RAB33B: variants seen among roughly 807,000 people sequenced by gnomAD.
The protein encoded by RAB33B is ras-related protein Rab-33B.
Under a neutral mutation model 15.0 loss-of-function variants are expected in RAB33B, and 6 were observed. The ratio of observed to expected loss-of-function variants is 0.40; its 90% CI spans 0.22 to 0.79. RAB33B has a LOEUF of 0.79. Ranked by LOEUF, RAB33B falls within the 30% of genes least tolerant of loss-of-function variation. The pLI, the probability that RAB33B is intolerant of heterozygous loss-of-function variation, is 0.37. For synonymous variants in RAB33B, 117 were observed against 108.3 expected, an observed-to-expected ratio of 1.08 and a Z score of -0.50; for missense variants, 257 against 296.4, an observed-to-expected ratio of 0.87 and a Z score of 0.98.
upstream of RAB33B, chr4:139,448,557 C>T (rs950423768): frequency 6.6e-6 from 1 of 152,112 alleles, no homozygotes; most frequent in African/African-American, 2.4e-5. Context: ...GCCTCAGCCT[C>T]CCGAGTAGCT....
At position 139,473,893 on chromosome 4, in the gene RAB33B, T is replaced by G. The variant is rs1389647995; in HGVS notation, c.*767T>G. 1 of 148,626 alleles carries G rather than the reference T, an allele frequency of 6.7e-6. No homozygotes were observed. Among genetic ancestry groups the G allele is most frequent in the African/African-American group, 2.5e-5 (1 of 39,804 alleles). 9.2% of individuals were successfully genotyped at this position (148,626 alleles called of 1,614,324 possible). A position where few individuals can be genotyped will look rare whatever the true frequency, so the allele number is the denominator to read the frequency against. On this transcript the variant is annotated 3_prime_UTR_variant, in exon 2 of 2. Coordinates refer to ENST00000305626, the MANE Select transcript of RAB33B (RefSeq NM_031296.3). Reference sequence around the variant, plus strand: ...TTATTTTAAAAGAGTTATTTGAGTTTCTTTCTTTCTTTTTTTTTTTTTTTT... The same window carrying G: ...TTATTTTAAAAGAGTTATTTGAGTTGCTTTCTTTCTTTTTTTTTTTTTTTT...
chr4:139,475,837 CTAAGTAATTTTGTTGTGGAA>C lies in RAB33B; in HGVS notation c.*2714_*2733del, dbSNP rs943217638. The C allele has an allele frequency of 2.0e-5, 3 of 152,142 alleles. No homozygotes were observed. Among genetic ancestry groups the C allele is most frequent in the African/African-American group, 7.2e-5 (3 of 41,426 alleles). The allele number at this position is 152,142 out of a possible 1,614,324, so 9.4% of individuals were successfully genotyped here. A position where few individuals can be genotyped will look rare whatever the true frequency, so the allele number is the denominator to read the frequency against. On this transcript the variant is annotated 3_prime_UTR_variant, in exon 2 of 2. Coordinates refer to ENST00000305626, the MANE Select transcript of RAB33B (RefSeq NM_031296.3). ...GCAAATACATGTTTCCTCATGAAATCTAAGTAATTTTGTTGTGGAATAGTGTCACTGTTACATTTCCCCCA... is the reference window on the plus strand; with the variant it reads ...GCAAATACATGTTTCCTCATGAAATCTAGTGTCACTGTTACATTTCCCCCA...
the RAB33B span, among the ~76,000 whole-genome samples, chr4:139,439,991 T>G: frequency 3.3e-5 from 5 of 152,238 alleles, no homozygotes; most frequent in African/African-American, 1.2e-4. Context: ...TGGGTTACAC[T>G]TTCCTGTTTC....
At position 139,476,581 on chromosome 4, in the gene RAB33B, T is replaced by C. The variant is rs1750506705; in HGVS notation, c.*3455T>C. On this transcript the variant is annotated 3_prime_UTR_variant, in exon 2 of 2. Transcript: ENST00000305626. ...ACATTTATCAAGTATGGGTCATGTG[T>C]TCTCTATTTGTGTTAGTGGAGCTAC... 6.6e-6 allele frequency: 1 copy of C among 152,248 alleles called. No individual in the cohort carries two copies. The highest frequency in any genetic ancestry group is 1.5e-5 in the Non-Finnish European group (1 of 68,052). The allele number at this position is 152,248 out of a possible 1,614,324, so 9.4% of individuals were successfully genotyped here.
chr4:139,453,507 C>G (rs924860241), upstream of RAB33B: 1 of 152,334 alleles, frequency 6.6e-6, no homozygotes, highest in Non-Finnish European at 1.5e-5. Context: ...CGCGTCCCAC[C>G]CATCTAGCCC....
intron 1 of RAB33B, 152 bp from the exon 2 acceptor site, chr4:139,472,534 C>A: frequency 1.8e-6 from 1 of 551,022 alleles, no homozygotes; most frequent in Non-Finnish European, 3.1e-6. Context: ...AAGTCTGGAT[C>A]CCATAGGTAA....
chr4:139,459,788 C>A (rs985884321), intron 1 of RAB33B, among the ~76,000 whole-genome samples: 2 of 152,114 alleles, frequency 1.3e-5, no homozygotes, highest in African/African-American at 2.4e-5. Flanking sequence ...CGCCTGCCAC[C>A]CCACCCCGCT....
In RAB33B at chr4:139,474,706, C is replaced by G. The variant is rs1346663396; in HGVS notation, c.*1580C>G. The G allele has an allele frequency of 6.6e-6, 1 of 152,518 alleles. No homozygotes were observed. Among genetic ancestry groups the G allele is most frequent in the African/African-American group, 2.4e-5 (1 of 41,424 alleles). 9.4% of individuals were successfully genotyped at this position (152,518 alleles called of 1,614,324 possible). On this transcript the variant is annotated 3_prime_UTR_variant, in exon 2 of 2. Transcript: ENST00000305626. ...AAGAATATTTCAAGAAGTTTTTTAA[C>G]CTAAATACTTTTATTTTGAATTTAA...
chr4:139,455,715 C>T (rs113311070), intron 1 of RAB33B, among the ~76,000 whole-genome samples: 1 of 152,100 alleles, frequency 6.6e-6, no homozygotes, highest in Non-Finnish European at 1.5e-5. Context: ...AAAGGCTAAA[C>T]ATTTTTCACC....
At chr4:139,467,373 CTT>C (rs760811130) in intron 1 of RAB33B, among the ~76,000 whole-genome samples, 19 of 36,432 alleles carry the variant, frequency 5.2e-4, no homozygotes, top group African/African-American at 1.8e-3. Context: ...TCAGACTGGT[CTT>C]TTTTTTTTTT....
chr4:139,444,524 C>T, the RAB33B span, among the ~76,000 whole-genome samples: 3 of 152,120 alleles, frequency 2.0e-5, no homozygotes, highest in African/African-American at 7.2e-5. Flanking sequence ...CCAAGAAGAT[C>T]TCTAGCCTTT....
intron 1 of RAB33B, among the ~76,000 whole-genome samples, chr4:139,465,725 T>TA (rs1160719658): frequency 6.9e-6 from 1 of 145,660 alleles, no homozygotes; most frequent in Non-Finnish European, 1.5e-5. Flanking sequence ...TCTTCTTCTT[T>TA]TTTTTTTTTT....
intron 1 of RAB33B, among the ~76,000 whole-genome samples, chr4:139,455,712 A>G (rs185753518): frequency 1.5e-4 from 23 of 152,346 alleles, no homozygotes; most frequent in South Asian, 2.1e-4. Context: ...ATAAAAGGCT[A>G]AACATTTTTC....
chr4:139,446,265 G>T, the RAB33B span, among the ~76,000 whole-genome samples: 1 of 152,160 alleles, frequency 6.6e-6, no homozygotes, highest in East Asian at 1.9e-4. Context: ...AAAGACTAGG[G>T]CCCGGTTCAC....
At chr4:139,447,658 CTTTTT>C in the RAB33B span, among the ~76,000 whole-genome samples, 7 of 85,698 alleles carry the variant, frequency 8.2e-5, no homozygotes, top group Non-Finnish European at 1.4e-4. Context: ...CAGTCTACTA[CTTTTT>C]TTTTTTTTTT....
intron 1 of RAB33B, among the ~76,000 whole-genome samples, chr4:139,455,430 T>C (rs1484554950): frequency 6.6e-6 from 1 of 152,196 alleles, no homozygotes; most frequent in Non-Finnish European, 1.5e-5. Flanking sequence ...ACAGGCTTGC[T>C]TTAGACGTTC....
chr4:139,468,028 C>T (rs995021544), intron 1 of RAB33B, among the ~76,000 whole-genome samples: 69 of 151,352 alleles, frequency 4.6e-4, no homozygotes, highest in Non-Finnish European at 3.5e-4. Flanking sequence ...CTACCCTTCC[C>T]GAGCCTCTGG....
the RAB33B span, among the ~76,000 whole-genome samples, chr4:139,438,461 T>TCTTCATGATATAA: frequency 6.6e-6 from 1 of 152,098 alleles, no homozygotes; most frequent in Non-Finnish European, 1.5e-5. Context: ...TTCCATTCCC[T>TCTTCATGATATAA]CTTCATGATA....
intron 1 of RAB33B, among the ~76,000 whole-genome samples, chr4:139,466,937 T>G (rs914849596): frequency 6.6e-6 from 1 of 151,064 alleles, no homozygotes; most frequent in African/African-American, 2.4e-5. Context: ...CTCTTCACTT[T>G]GATAGTGTCC....
Sources: allele counts gnomAD v4.1 joint callset (sites outside exome capture counted in the v4.1 genomes callset), GRCh38; gene constraint gnomAD v4.1.1; transcripts MANE v1.5; gene names NCBI Gene and HGNC (gene_info 2026-07-23, HGNC 2026-07-21).